The following ARFGEF1 variants were observed in gnomAD, a reference collection of about 807,000 sequenced individuals.
ARFGEF1 encodes brefeldin A-inhibited guanine nucleotide-exchange protein 1.
Under a neutral mutation model 231.0 loss-of-function variants are expected in ARFGEF1, and 42 were observed. The observed-to-expected ratio is 0.18, with a 90% CI of 0.14 to 0.24. The LOEUF (loss-of-function observed/expected upper bound fraction) is 0.24, where lower values mean the gene tolerates loss of function less well. Ranked by LOEUF, ARFGEF1 falls within the 10% of genes least tolerant of loss-of-function variation. ARFGEF1 has a pLI of 1.00. For synonymous variants in ARFGEF1, 710 were observed against 732.3 expected, an observed-to-expected ratio of 0.97 and a Z score of 0.49; for missense variants, 1,345 against 2,192.0, an observed-to-expected ratio of 0.61 and a Z score of 7.72.
At chr8:67,250,100 T>C (rs539704957) in intron 19 of ARFGEF1, among the ~76,000 whole-genome samples, 144 of 152,268 alleles carry the variant, frequency 9.5e-4, no homozygotes, top group African/African-American at 3.4e-3. Flanking sequence ...GCGATGGAAT[T>C]GGAGAGGCAG....
At chr8:67,275,214 A>G (rs980313963) in intron 9 of ARFGEF1, among the ~76,000 whole-genome samples, 1 of 148,958 alleles carries the variant, frequency 6.7e-6, no homozygotes, top group Non-Finnish European at 1.5e-5. Flanking sequence ...AGAAAGTTCT[A>G]AAATTGTCAT....
chr8:67,339,548 C>A (rs1808503210), intron 1 of ARFGEF1, among the ~76,000 whole-genome samples: 1 of 152,006 alleles, frequency 6.6e-6, no homozygotes, highest in South Asian at 2.1e-4. Flanking sequence ...CAAGCCCAAT[C>A]CCACAACAAT....
In ARFGEF1 at chr8:67,244,242, C is replaced by CAAAAAAAAAA. The variant is rs34333039; in HGVS notation, c.2851-3962_2851-3953dup. 2.1e-3 allele frequency among the ~76,000 whole-genome samples: 43 copies of CAAAAAAAAAA among 20,096 alleles called. 3 individuals carry two copies. The highest frequency in any genetic ancestry group is 4.5e-3 in the Admixed American group (4 of 884). 13.2% of individuals were successfully genotyped at this position (20,096 alleles called of 152,430 possible). A position where few individuals can be genotyped will look rare whatever the true frequency, so the allele number is the denominator to read the frequency against. On this transcript the variant is annotated intron_variant, in intron 19 of 38. Transcript: ENST00000262215. ...TGGGCGACAAAGCGAGACTCCACCT[C>CAAAAAAAAAA]AAAAAAAAAAAAAAAAAAAAAAAAA...
intron 1 of ARFGEF1, among the ~76,000 whole-genome samples, chr8:67,330,926 A>AT (rs1243776839): frequency 2.0e-5 from 3 of 152,122 alleles, no homozygotes; most frequent in African/African-American, 7.2e-5. Context: ...CTTCCCAACT[A>AT]TAACACTTTT....
At chr8:67,225,083 A>G in intron 28 of ARFGEF1, 50 bp from the exon 29 acceptor site, 2 of 1,485,888 alleles carry the variant, frequency 1.3e-6, no homozygotes, top group Non-Finnish European at 1.8e-6. Context: ...ACACCCATAC[A>G]TTCAGTATAC....
chr8:67,266,131 A>G lies in ARFGEF1; in HGVS notation c.1998T>C (p.Asn666=), dbSNP rs138997113. Residue 666 remains asparagine, a synonymous_variant, in exon 14 of 39, where the codon AAT becomes AAC. Coordinates refer to ENST00000262215, the MANE Select transcript of ARFGEF1 (RefSeq NM_006421.5). ...CTGATGATGATGTTGACTCCAGGGA[A>G]TTTAAACTTCCGTATCTGTTTATTG... is the stretch of plus-strand genomic sequence containing the variant. The part of the protein sequence containing the change: ...PETINRYGSL[N]SLESTSSSGI... 341 of 1,613,822 alleles carry G rather than the reference A, an allele frequency of 2.1e-4. No individual in the cohort carries two copies. The African/African-American group carries it at 3.6e-3, about 17-fold the overall frequency.
Position 67,238,879 on chromosome 8 carries a change from T to G in ARFGEF1, c.2994A>C (p.Ala998=). Residue 998 remains alanine (A), a synonymous_variant, in exon 21 of 39, where the codon GCA becomes GCC. Transcript: ENST00000262215. The stretch of plus-strand genomic sequence containing the variant: ...TAAATCTTGCTAGTGCCTGGACATA[T>G]GCATCTCTCTCCAGCTATAAAAAAG... ...CIFSIQLERD[A]YVQALARFTL... 6.2e-7 allele frequency: 1 copy of G among 1,613,470 alleles called. No homozygotes were observed. Among genetic ancestry groups the G allele is most frequent in the Non-Finnish European group, 8.5e-7 (1 of 1,179,538 alleles).
At chr8:67,300,050 T>C (rs545031395) in intron 3 of ARFGEF1, among the ~76,000 whole-genome samples, 210 of 152,316 alleles carry the variant, frequency 1.4e-3, no homozygotes, top group African/African-American at 5.0e-3. Context: ...ATTATCTTCA[T>C]GCTTTTATAT....
chr8:67,237,503 A>G (rs1839806285), intron 22 of ARFGEF1, among the ~76,000 whole-genome samples: 1 of 152,134 alleles, frequency 6.6e-6, no homozygotes, highest in African/African-American at 2.4e-5. Flanking sequence ...GCAGCAACAG[A>G]GGAATCACTA....
At chr8:67,239,036 T>C in intron 20 of ARFGEF1, 143 bp from the exon 21 acceptor site, 1 of 658,104 alleles carries the variant, frequency 1.5e-6, no homozygotes, top group Non-Finnish European at 2.2e-6. Context: ...AGACAGAGTC[T>C]CACCCTGTCG....
At chr8:67,238,993 T>G (rs577588353) in intron 20 of ARFGEF1, 100 bp from the exon 21 acceptor site, 126 of 839,826 alleles carry the variant, frequency 1.5e-4, no homozygotes, top group African/African-American at 3.2e-4. Flanking sequence ...AAGATTTTGT[T>G]TTTTTTTTTT....
At position 67,177,619 on chromosome 8, in the gene ARFGEF1, T is replaced by C. The variant is rs1418937246; in HGVS notation, c.561-2047A>G. 5 of 1,062,938 alleles carry C rather than the reference T, an allele frequency of 4.7e-6. No individual in the cohort carries two copies. In the Admixed American group the frequency reaches 5.8e-5, roughly 12 times the overall value. 65.8% of individuals were successfully genotyped at this position (1,062,938 alleles called of 1,614,324 possible). On this transcript the variant is annotated intron_variant, in intron 5 of 5. Coordinates refer to the ARFGEF1 transcript ENST00000518789. ...TAGTCAAAAAAGATATTCTAAAATT[T>C]AATTTATATAGTAAGCATTTTCTGA...
intron 37 of ARFGEF1, among the ~76,000 whole-genome samples, chr8:67,200,982 A>T (rs1386651963): frequency 6.6e-6 from 1 of 152,252 alleles, no homozygotes; most frequent in African/African-American, 2.4e-5. Context: ...GCCTCAGAAC[A>T]TCTATTCCGT....
At chr8:67,310,742 G>A (rs1410257874) in intron 1 of ARFGEF1, among the ~76,000 whole-genome samples, 12 of 151,686 alleles carry the variant, frequency 7.9e-5, no homozygotes, top group South Asian at 2.1e-4. Flanking sequence ...GCCTCTGCCC[G>A]GCCGCGACCC....
chr8:67,273,114 TAATAA>T (rs991839743), intron 9 of ARFGEF1, among the ~76,000 whole-genome samples: 3 of 151,792 alleles, frequency 2.0e-5, no homozygotes, highest in Non-Finnish European at 4.4e-5. Context: ...GTCCAAAAAA[TAATAA>T]AATAAAATAA....
At chr8:67,319,251 T>C (rs1333213143) in intron 1 of ARFGEF1, among the ~76,000 whole-genome samples, 1 of 152,100 alleles carries the variant, frequency 6.6e-6, no homozygotes, top group Non-Finnish European at 1.5e-5. Context: ...GCAATGTAAC[T>C]AGGATAGACA....
At chr8:67,195,429 G>A (rs2129576639), downstream of ARFGEF1, 5 of 1,614,194 alleles carry the variant, frequency 3.1e-6, no homozygotes, top group Non-Finnish European at 4.2e-6. Context: ...GAAACACATA[G>A]GGGATGACGG....
intron 33 of ARFGEF1, among the ~76,000 whole-genome samples, chr8:67,215,864 T>C (rs938237900): frequency 9.2e-5 from 14 of 152,314 alleles, no homozygotes; most frequent in African/African-American, 2.9e-4. Flanking sequence ...AAGTGAATGT[T>C]AGAATTCTTT....
chr8:67,258,493 T>G (rs934856055), intron 15 of ARFGEF1, among the ~76,000 whole-genome samples: 1 of 151,888 alleles, frequency 6.6e-6, no homozygotes, highest in Non-Finnish European at 1.5e-5. Flanking sequence ...CCCAGCTAAT[T>G]TTTTTTGTAT....
Sources: allele counts gnomAD v4.1 joint callset (sites outside exome capture counted in the v4.1 genomes callset), GRCh38; gene constraint gnomAD v4.1.1; transcripts MANE v1.5; gene names NCBI Gene and HGNC (gene_info 2026-07-23, HGNC 2026-07-21).